The following TRAPPC3 variants were observed in gnomAD, a reference collection of about 807,000 sequenced individuals.
TRAPPC3 encodes the protein trafficking protein particle complex subunit 3.
TRAPPC3 carries 5 observed loss-of-function variants against 18.2 expected under a neutral mutation model. That is an observed-to-expected ratio of 0.28 (90% confidence interval 0.14 to 0.58). The LOEUF is 0.58. TRAPPC3 is among the 20% of genes least tolerant of loss of function. The pLI is 0.91. For missense variants in TRAPPC3, 176 were observed against 225.9 expected (o/e 0.78, Z 1.41); for synonymous variants, 65 against 84.2 (o/e 0.77, Z 1.25).
At chr1:36,139,158 T>A (rs955618651) in intron 3 of TRAPPC3, among the ~76,000 whole-genome samples, 1 of 125,198 alleles carries the variant, frequency 8.0e-6, no homozygotes, top group Non-Finnish European at 1.6e-5. Flanking sequence ...GAGTCTGTAT[T>A]TTTTTTTTTT....
intron 1 of TRAPPC3, among the ~76,000 whole-genome samples, chr1:36,148,069 T>C (rs1432809260): frequency 3.3e-5 from 5 of 152,246 alleles, no homozygotes; most frequent in Admixed American, 1.3e-4. Context: ...ACTATCCCCA[T>C]TTTATAGATA....
At chr1:36,146,912 G>T (rs1184086171) in intron 1 of TRAPPC3, among the ~76,000 whole-genome samples, 2 of 152,182 alleles carry the variant, frequency 1.3e-5, no homozygotes, top group African/African-American at 2.4e-5. Context: ...GGACAAAAGG[G>T]CTGTTTCTGT....
At chr1:36,149,586 C>A, upstream of TRAPPC3, 1 of 626,014 alleles carries the variant, frequency 1.6e-6, no homozygotes, top group Non-Finnish European at 2.8e-6. Flanking sequence ...CTACAACACC[C>A]AACAGCCCCT....
chr1:36,137,861 C>T lies in TRAPPC3; in HGVS notation c.358G>A (p.Asp120Asn). The T allele has an allele frequency of 6.2e-7, 1 of 1,614,232 alleles. No individual in the cohort carries two copies. The highest frequency in any genetic ancestry group is 1.3e-5 in the African/African-American group (1 of 75,052). ...GAATAAATAAGGGATGAGTGGTTAT[C>T]AGGAAGTTCCACAAAGTCCACCAAG... ...NPLVDFVELP[D>N]NHSSLIYSNL... Residue 120 changes from aspartate to asparagine, a missense_variant, in exon 4 of 5, where the codon GAT becomes AAT. Physicochemically the swap from Asp to Asn is conservative, Grantham distance 23 (BLOSUM62 1). Transcript: ENST00000373166.
intron 1 of TRAPPC3, among the ~76,000 whole-genome samples, chr1:36,148,467 C>T (rs1471028638): frequency 6.6e-6 from 1 of 152,088 alleles, no homozygotes; most frequent in Non-Finnish European, 1.5e-5. Context: ...TGGTGGTGGA[C>T]ACCTGTAATC....
intron 2 of TRAPPC3, 45 bp from the exon 3 acceptor site, chr1:36,139,864 C>T (rs372161924): frequency 6.2e-7 from 1 of 1,608,830 alleles, no homozygotes; most frequent in African/African-American, 1.3e-5. Context: ...GTCTAAATGT[C>T]TTATGTTTGA....
chr1:36,148,694 T>C (rs937719626), intron 1 of TRAPPC3, among the ~76,000 whole-genome samples: 15 of 152,082 alleles, frequency 9.9e-5, no homozygotes, highest in African/African-American at 3.6e-4. Context: ...AACTATTCCC[T>C]GGGAAAGAAG....
intron 4 of TRAPPC3, 67 bp from the exon 5 acceptor site, chr1:36,137,389 G>A: frequency 2.6e-6 from 4 of 1,536,348 alleles, no homozygotes; most frequent in Non-Finnish European, 3.6e-6. Flanking sequence ...CAGTGGGGAT[G>A]GGGCATAACT....
At chr1:36,143,279 T>A (rs1644143612) in intron 1 of TRAPPC3, among the ~76,000 whole-genome samples, 2 of 152,064 alleles carry the variant, frequency 1.3e-5, no homozygotes, top group South Asian at 4.1e-4. Context: ...TTTAATCGAA[T>A]AATCAGGGAA....
intron 3 of TRAPPC3, among the ~76,000 whole-genome samples, chr1:36,138,768 C>T (rs555115349): frequency 3.7e-4 from 56 of 152,178 alleles, no homozygotes; most frequent in East Asian, 3.9e-4. Flanking sequence ...CAGTGGCTCA[C>T]GCTTGTAATC....
intron 1 of TRAPPC3, among the ~76,000 whole-genome samples, chr1:36,147,183 G>A (rs532058807): frequency 2.6e-5 from 4 of 152,124 alleles, no homozygotes; most frequent in East Asian, 1.9e-4. Flanking sequence ...TTAGCCAGCC[G>A]TAGTGGTTGG....
Position 36,137,791 on chromosome 1 carries a change from C to T in TRAPPC3, c.423+5G>A. ...GTGTCCCAGAAGATAAAGAGTTGCACTCACCATCTCCAAAGCTCCCCGCAA... is the reference window on the plus strand; with the variant it reads ...GTGTCCCAGAAGATAAAGAGTTGCATTCACCATCTCCAAAGCTCCCCGCAA... On this transcript the variant is annotated splice_donor_5th_base_variant and intron_variant, in intron 4 of 4. Coordinates refer to ENST00000373166, the MANE Select transcript of TRAPPC3 (RefSeq NM_014408.5). The T allele has an allele frequency of 6.2e-7, 1 of 1,612,722 alleles. No homozygotes were observed.
intron 1 of TRAPPC3, among the ~76,000 whole-genome samples, chr1:36,155,001 T>G (rs2124185072): frequency 6.6e-6 from 1 of 152,270 alleles, no homozygotes; most frequent in Non-Finnish European, 1.5e-5. Flanking sequence ...CCCTTTTGTT[T>G]CCCACTCTAT....
rs570508879 is a variant in TRAPPC3, at chr1:36,137,422, A to T, written c.424-100T>A. On this transcript the variant is annotated intron_variant, in intron 4 of 4. Transcript: ENST00000373166. ...ACTGACTCATCCACAGCATCCAAAA[A>T]AGGGGGGCTGGTTTCCCACAAGGAC... 220 of 1,288,816 alleles carry T rather than the reference A, an allele frequency of 1.7e-4. 1 individual carries two copies. In the Admixed American group the frequency reaches 1.8e-3, roughly 10 times the overall value. The allele number at this position is 1,288,816 out of a possible 1,614,324, so 79.8% of individuals were successfully genotyped here.
At chr1:36,155,331 G>A (rs1026411478) in intron 1 of TRAPPC3, among the ~76,000 whole-genome samples, 1 of 152,210 alleles carries the variant, frequency 6.6e-6, no homozygotes, top group Non-Finnish European at 1.5e-5. Context: ...GGGGCTGGGA[G>A]TCCATTCTGG....
chr1:36,143,650 A>C (rs1005158270), intron 1 of TRAPPC3, among the ~76,000 whole-genome samples: 1 of 152,198 alleles, frequency 6.6e-6, no homozygotes, highest in Admixed American at 6.5e-5. Context: ...TCTGCAACAC[A>C]TCTATTTTTG....
chr1:36,139,488 C>T lies in TRAPPC3; in HGVS notation c.240+232G>A. The T allele has an allele frequency of 5.5e-6, 3 of 548,982 alleles. 1 individual carries two copies. The South Asian group carries it at 6.5e-5, about 12-fold the overall frequency. The allele number at this position is 548,982 out of a possible 1,614,324, so 34.0% of individuals were successfully genotyped here. A position where few individuals can be genotyped will look rare whatever the true frequency, so the allele number is the denominator to read the frequency against. ...TATTCTTTACCCCCATGCTACTCTG[C>T]TACACCTTCACAGTGGAAAAGCTCA... On this transcript the variant is annotated intron_variant, in intron 3 of 4. Coordinates refer to ENST00000373166, the MANE Select transcript of TRAPPC3 (RefSeq NM_014408.5).
At chr1:36,139,860 A>T (rs1644082035) in intron 2 of TRAPPC3, 41 bp from the exon 3 acceptor site, 1 of 1,610,450 alleles carries the variant, frequency 6.2e-7, no homozygotes, top group Non-Finnish European at 8.5e-7. Context: ...TGGAGTCTAA[A>T]TGTCTTATGT....
At chr1:36,152,104 A>T (rs988760794), upstream of TRAPPC3, among the ~76,000 whole-genome samples, 12 of 151,986 alleles carry the variant, frequency 7.9e-5, no homozygotes, top group African/African-American at 2.9e-4. Context: ...TTCCTGCAGT[A>T]ATTTGTGGGT....
Sources: gnomAD v4.1 joint callset for allele counts (sites outside exome capture counted in the v4.1 genomes callset) on GRCh38, gnomAD v4.1.1 for gene constraint, MANE v1.5 for transcripts, NCBI Gene and HGNC (gene_info 2026-07-23, HGNC 2026-07-21) for gene names.